The following TNIP1 variants were observed in gnomAD, a reference collection of about 807,000 sequenced individuals.
The protein encoded by TNIP1 is TNFAIP3-interacting protein 1.
TNIP1 carries 22 observed loss-of-function variants against 86.6 expected under a neutral mutation model. The ratio of observed to expected loss-of-function variants is 0.25; its 90% confidence interval spans 0.18 to 0.36. TNIP1 has a LOEUF of 0.36. Among genes scored for constraint, TNIP1 ranks in the 10% least tolerant of loss-of-function variants. The probability of loss-of-function intolerance (pLI) is 1.00; values close to 1 mark genes in which losing one functional copy is unlikely to be tolerated. For missense variants in TNIP1, 709 were observed against 820.6 expected, an observed-to-expected ratio of 0.86 and a Z score of 1.66; for synonymous variants, 294 against 313.0, an observed-to-expected ratio of 0.94 and a Z score of 0.64.
chr5:151,067,947 G>A (rs929771751), intron 1 of TNIP1, among the ~76,000 whole-genome samples: 1 of 152,222 alleles, frequency 6.6e-6, no homozygotes, highest in African/African-American at 2.4e-5. Context: ...GATGCAGGAT[G>A]TGGGAACTGA....
intron 5 of TNIP1, among the ~76,000 whole-genome samples, chr5:151,059,663 A>G: frequency 6.6e-6 from 1 of 152,190 alleles, no homozygotes; most frequent in East Asian, 1.9e-4. Flanking sequence ...ATGGTTCTTC[A>G]ATAAGTCTGC....
At chr5:151,057,447 C>T (rs887924699) in intron 5 of TNIP1, among the ~76,000 whole-genome samples, 3 of 152,164 alleles carry the variant, frequency 2.0e-5, no homozygotes, top group African/African-American at 4.8e-5. Flanking sequence ...ACAAACTGGC[C>T]GGGCGCGATG....
chr5:151,060,636 G>A (rs3815720), intron 4 of TNIP1, among the ~76,000 whole-genome samples: 6,765 of 152,322 alleles, frequency 0.044, 224 homozygotes, highest in African/African-American at 0.094. Flanking sequence ...GAAGGGAGAT[G>A]TGGGACTAGC....
chr5:151,072,401 C>T (rs1185155905), intron 1 of TNIP1, among the ~76,000 whole-genome samples: 1 of 152,218 alleles, frequency 6.6e-6, no homozygotes, highest in Admixed American at 6.5e-5. Context: ...CCATCCTGTG[C>T]TTACCCAGTC....
In TNIP1 at chr5:151,070,728, T is replaced by C. The variant is rs184155127; in HGVS notation, c.-36-5597A>G. Among the ~76,000 whole-genome samples, 5 of 152,326 alleles carry C rather than the reference T, an allele frequency of 3.3e-5. No homozygotes were observed. In the East Asian group the frequency reaches 7.7e-4, roughly 23 times the overall value. On this transcript the variant is annotated intron_variant, in intron 1 of 17. Coordinates refer to ENST00000521591, the MANE Select transcript of TNIP1 (RefSeq NM_006058.5). ...CAAAAAACTGTCCACATATTTGTGT[T>C]ATGATGACCTCCAGTCCTCCCCAAC...
At chr5:151,035,534 C>T (rs1229652311) in intron 14 of TNIP1, 48 bp downstream of exon 14, 1 of 1,613,494 alleles carries the variant, frequency 6.2e-7, no homozygotes. Context: ...TGCCCCCTCT[C>T]CCCACGAGGA....
intron 1 of TNIP1, among the ~76,000 whole-genome samples, chr5:151,071,933 G>A (rs966281650): frequency 2.0e-5 from 3 of 152,210 alleles, no homozygotes; most frequent in Non-Finnish European, 2.9e-5. Flanking sequence ...GTGACAGTTC[G>A]TTAGGCGCTA....
At position 151,032,297 on chromosome 5, in the gene TNIP1, A is replaced by AG; in HGVS notation, c.1865dup (p.Thr623TyrfsTer9). 1 of 1,613,804 alleles carries AG rather than the reference A, an allele frequency of 6.2e-7. No individual in the cohort carries two copies. Among genetic ancestry groups the AG allele is most frequent in the East Asian group, 2.2e-5 (1 of 44,884 alleles). On this transcript the variant is annotated frameshift_variant, in exon 17 of 18. Coordinates refer to ENST00000521591, the MANE Select transcript of TNIP1 (RefSeq NM_006058.5). LOFTEE classifies it high-confidence loss of function. ...GTATTAGGGGCTCACCTGGTTCTGT[A>AG]GGCCTGGCTGTGGGAGGGTCCATCA...
At chr5:151,067,775 C>G (rs1194917424) in intron 1 of TNIP1, among the ~76,000 whole-genome samples, 1 of 152,144 alleles carries the variant, frequency 6.6e-6, no homozygotes, top group Non-Finnish European at 1.5e-5. Context: ...AGCCCTTGAC[C>G]CCGACCCCGC....
rs756146238 is a variant in TNIP1 at position 151,060,368 on chromosome 5, T to C, written c.385A>G (p.Thr129Ala). Residue 129 changes from threonine to alanine, a missense_variant, in exon 5 of 18, where the codon ACT becomes GCT. Transcript: ENST00000521591. ...TCTGGTGAATTCTGCTCCTCAGGAG[T>C]GACCACTTCAAATTCAGAGGAGGTG... ...SGTSSEFEVV[T>A]PEEQNSPESS... 5.0e-6 allele frequency: 8 copies of C among 1,613,954 alleles called. No homozygotes were observed. In the African/African-American group the frequency reaches 1.1e-4, roughly 22 times the overall value.
intron 1 of TNIP1, among the ~76,000 whole-genome samples, chr5:151,073,090 C>T (rs934717881): frequency 2.0e-4 from 30 of 152,028 alleles, no homozygotes; most frequent in Non-Finnish European, 3.2e-4. Context: ...GGTGTGGTGG[C>T]GGGTGCCTGT....
In TNIP1 at chr5:151,062,272, C is replaced by G. The variant is rs1761673413; in HGVS notation, c.272-60G>C. The G allele has an allele frequency of 7.3e-6, 11 of 1,498,408 alleles. No individual in the cohort carries two copies. The East Asian group carries it at 2.5e-4, about 34-fold the overall frequency. 92.8% of individuals were successfully genotyped at this position (1,498,408 alleles called of 1,614,324 possible). A position where few individuals can be genotyped will look rare whatever the true frequency, so the allele number is the denominator to read the frequency against. On this transcript the variant is annotated intron_variant, in intron 3 of 17. Coordinates refer to ENST00000521591, the MANE Select transcript of TNIP1 (RefSeq NM_006058.5). The stretch of plus-strand genomic sequence containing the variant: ...GGAAGGGGAGAAGCCCAGGTACCAC[C>G]CTCTCAAGGACAGCCCTTGACAAAA...
At chr5:151,064,890 C>T in intron 2 of TNIP1, 70 bp downstream of exon 2, 3 of 1,599,256 alleles carry the variant, frequency 1.9e-6, no homozygotes, top group Non-Finnish European at 1.7e-6. Context: ...TTCTCCACTG[C>T]TAGTAGAGGG....
chr5:151,032,138 T>A, intron 17 of TNIP1, 149 bp downstream of exon 17: 1 of 645,162 alleles, frequency 1.5e-6, no homozygotes, highest in South Asian at 2.0e-5. Flanking sequence ...GTGGTTGCCA[T>A]TACTCTCCAT....
chr5:151,047,836 C>T (rs1321738521), intron 8 of TNIP1, among the ~76,000 whole-genome samples: 2 of 152,108 alleles, frequency 1.3e-5, no homozygotes, highest in African/African-American at 2.4e-5. Flanking sequence ...GGCTTCAATG[C>T]GATGAGAAGC....
At chr5:151,062,487 A>G (rs1761706193) in intron 3 of TNIP1, among the ~76,000 whole-genome samples, 1 of 152,226 alleles carries the variant, frequency 6.6e-6, no homozygotes, top group Non-Finnish European at 1.5e-5. Context: ...AACAGGCCTC[A>G]ATGATAAAGA....
At chr5:151,060,512 G>T in intron 4 of TNIP1, 117 bp from the exon 5 acceptor site, 2 of 828,634 alleles carry the variant, frequency 2.4e-6, no homozygotes, top group Non-Finnish European at 4.0e-6. Flanking sequence ...GAGTACACAG[G>T]GACCGTTACA....
In TNIP1 at chr5:151,030,636, T is replaced by C; in HGVS notation, c.*77A>G. On this transcript the variant is annotated 3_prime_UTR_variant, in exon 18 of 18. Coordinates refer to ENST00000521591, the MANE Select transcript of TNIP1 (RefSeq NM_006058.5). ...TGAGGCTCTGGCCACACCGTGCAAGTGGCTTCTAGTTTCTTGGCAATCTGA... is the reference window on the plus strand; with the variant it reads ...TGAGGCTCTGGCCACACCGTGCAAGCGGCTTCTAGTTTCTTGGCAATCTGA... The C allele has an allele frequency of 6.2e-7, 1 of 1,609,948 alleles. No individual in the cohort carries two copies. The highest frequency in any genetic ancestry group is 8.5e-7 in the Non-Finnish European group (1 of 1,177,718).
At chr5:151,044,854 C>G (rs746314647) in intron 9 of TNIP1, among the ~76,000 whole-genome samples, 1 of 152,172 alleles carries the variant, frequency 6.6e-6, no homozygotes, top group Non-Finnish European at 1.5e-5. Flanking sequence ...CGTGGCTTCT[C>G]TCTTGGCAGC....
Sources: allele counts gnomAD v4.1 joint callset (sites outside exome capture counted in the v4.1 genomes callset), GRCh38; gene constraint gnomAD v4.1.1; transcripts MANE v1.5; gene names NCBI Gene and HGNC (gene_info 2026-07-23, HGNC 2026-07-21).